B4GALNT2: variants seen among roughly 807,000 people sequenced by gnomAD.
B4GALNT2 encodes N-acetylneuraminylgalactosylglucosyl-glucoside beta-1,4-N- acetylgalactosaminyltransferase 2.
In B4GALNT2, 42 loss-of-function variants were observed where a neutral mutation model predicts 51.1. That is an observed-to-expected ratio of 0.82 (90% confidence interval 0.64 to 1.06). The LOEUF is 1.06. B4GALNT2 is among the 50% of genes least tolerant of loss of function. B4GALNT2 has a pLI of 0.00. For missense variants in B4GALNT2, 602 were observed against 633.6 expected (o/e 0.95, Z 0.54); for synonymous variants, 253 against 251.7 (o/e 1.01, Z -0.05).
intron 3 of B4GALNT2, among the ~76,000 whole-genome samples, chr17:49,145,547 C>T (rs1462187509): frequency 6.6e-6 from 1 of 152,218 alleles, no homozygotes; most frequent in East Asian, 1.9e-4. Flanking sequence ...TCTTCTTTTA[C>T]TACCCATTCT....
At chr17:49,122,668 C>T in the B4GALNT2 span, among the ~76,000 whole-genome samples, 2 of 152,110 alleles carry the variant, frequency 1.3e-5, no homozygotes, top group African/African-American at 4.8e-5. Flanking sequence ...TTACTAGGCC[C>T]AACTGGTTGA....
chr17:49,145,429 G>C (rs2042685386), intron 3 of B4GALNT2, among the ~76,000 whole-genome samples: 1 of 152,212 alleles, frequency 6.6e-6, no homozygotes, highest in African/African-American at 2.4e-5. Context: ...CTTAGTACAA[G>C]TGTGTATATG....
chr17:49,157,860 G>A (rs1314397255), intron 5 of B4GALNT2, among the ~76,000 whole-genome samples: 2 of 152,176 alleles, frequency 1.3e-5, no homozygotes, highest in South Asian at 2.1e-4. Context: ...CAAGCTTCAC[G>A]AAGGAATTTA....
In B4GALNT2 at chr17:49,170,040, T is replaced by C; in HGVS notation, c.*312T>C. 1 of 245,974 alleles carries C rather than the reference T, an allele frequency of 4.1e-6. No homozygotes were observed. The highest frequency in any genetic ancestry group is 7.7e-5 in the East Asian group (1 of 12,946). The allele number at this position is 245,974 out of a possible 1,614,324, so 15.2% of individuals were successfully genotyped here. ...TGATATCACACAAAGATGACATTGG[T>C]TGGTGTCCTCAGTCAAAAGAACAGC... On this transcript the variant is annotated 3_prime_UTR_variant, in exon 11 of 11. Coordinates refer to ENST00000393354, the MANE Select transcript of B4GALNT2 (RefSeq NM_001159387.2).
At position 49,158,440 on chromosome 17, in the gene B4GALNT2, C is replaced by T. The variant is rs1355950794; in HGVS notation, c.499-597C>T. Among the ~76,000 whole-genome samples, 8 of 152,030 alleles carry T rather than the reference C, an allele frequency of 5.3e-5. No individual in the cohort carries two copies. In the East Asian group the frequency reaches 1.3e-3, roughly 26 times the overall value. ...GTCTAGGATTGGAGTTTGAGACCAGCCTGGCAAACACGGCGAAAGCCCGTC... is the reference window on the plus strand; with the variant it reads ...GTCTAGGATTGGAGTTTGAGACCAGTCTGGCAAACACGGCGAAAGCCCGTC... On this transcript the variant is annotated intron_variant, in intron 5 of 10. Transcript: ENST00000393354.
At chr17:49,136,329 A>T (rs959445388) in intron 1 of B4GALNT2, among the ~76,000 whole-genome samples, 7 of 151,764 alleles carry the variant, frequency 4.6e-5, no homozygotes, top group Admixed American at 3.3e-4. Flanking sequence ...GAAAAAAGAG[A>T]CTATAGAAAC....
chr17:49,135,653 A>G (rs1039640721), intron 1 of B4GALNT2, among the ~76,000 whole-genome samples: 1 of 152,124 alleles, frequency 6.6e-6, no homozygotes, highest in Non-Finnish European at 1.5e-5. Flanking sequence ...CTGTTCTGTT[A>G]GCCTCTGTGG....
chr17:49,133,364 T>C (rs921578066), intron 1 of B4GALNT2: 1 of 882,804 alleles, frequency 1.1e-6, no homozygotes, highest in Non-Finnish European at 1.6e-6. Context: ...TGAGCTGCGG[T>C]TGTGTGGCCC....
chr17:49,157,326 A>ATT (rs34444544), intron 5 of B4GALNT2, among the ~76,000 whole-genome samples: 2 of 146,900 alleles, frequency 1.4e-5, no homozygotes, highest in Admixed American at 1.4e-4. Context: ...AACCTGGTTA[A>ATT]TTTTTTTTTT....
chr17:49,130,296 C>T (rs72835405), upstream of B4GALNT2, among the ~76,000 whole-genome samples: 29,350 of 152,198 alleles, frequency 0.19, 3,175 homozygotes, highest in Middle Eastern at 0.28. Context: ...CACTTTATTT[C>T]GAATGCGAAT....
intron 1 of B4GALNT2, chr17:49,133,035 G>A: frequency 6.7e-7 from 1 of 1,493,132 alleles, no homozygotes; most frequent in Non-Finnish European, 8.9e-7. Flanking sequence ...AATGGGGAGC[G>A]CTGGCTTTTC....
chr17:49,147,966 TTATATATA>T (rs140831657), intron 3 of B4GALNT2, among the ~76,000 whole-genome samples: 1 of 147,640 alleles, frequency 6.8e-6, no homozygotes, highest in Middle Eastern at 3.3e-3. Flanking sequence ...TTTTATTCAA[TTATATATA>T]TATATATATA....
chr17:49,168,291 T>C (rs558276411), intron 9 of B4GALNT2, among the ~76,000 whole-genome samples: 1 of 152,328 alleles, frequency 6.6e-6, no homozygotes, highest in East Asian at 1.9e-4. Context: ...AACAGCTCCC[T>C]GCAAGAAATC....
At position 49,141,971 on chromosome 17, in the gene B4GALNT2, G is replaced by A. The variant is rs150222532; in HGVS notation, c.216-64G>A. On this transcript the variant is annotated intron_variant, in intron 2 of 10. Transcript: ENST00000393354. ...AAACTACACACTGGATTAGGACTCC[G>A]GTTTCCTCTCACCCACCAGCCTACC... is the stretch of plus-strand genomic sequence containing the variant. The A allele has an allele frequency of 2.3e-4, 359 of 1,590,040 alleles. No individual in the cohort carries two copies. The African/African-American group carries it at 3.4e-3, about 15-fold the overall frequency.
chr17:49,160,670 G>A (rs770534725), intron 7 of B4GALNT2, 29 bp downstream of exon 7: 1 of 1,579,936 alleles, frequency 6.3e-7, no homozygotes, highest in Non-Finnish European at 8.7e-7. Context: ...GGGCTCCGTG[G>A]TGGCAACCCT....
chr17:49,134,896 C>CTA (rs1352164273), intron 1 of B4GALNT2, among the ~76,000 whole-genome samples: 3 of 151,972 alleles, frequency 2.0e-5, no homozygotes, highest in African/African-American at 7.3e-5. Context: ...CAGCCTGATA[C>CTA]TATATATTAT....
At chr17:49,136,798 C>T (rs945998722) in intron 1 of B4GALNT2, among the ~76,000 whole-genome samples, 1 of 152,040 alleles carries the variant, frequency 6.6e-6, no homozygotes, top group Non-Finnish European at 1.5e-5. Flanking sequence ...CTGCCTGTCT[C>T]GGCCTCCCAA....
At chr17:49,168,981 G>A (rs1390385376) in intron 10 of B4GALNT2, 81 bp downstream of exon 10, 18 of 1,416,274 alleles carry the variant, frequency 1.3e-5, no homozygotes, top group Middle Eastern at 2.5e-4. Context: ...GGCTGTACCC[G>A]GCTGGCTGAT....
chr17:49,160,574 C>T lies in B4GALNT2; in HGVS notation c.699C>T (p.Ser233=), dbSNP rs1421977329. Residue 233 remains serine (S), a synonymous_variant, in exon 7 of 11, where the codon TCC becomes TCT. Transcript: ENST00000393354. ...CTCCAGTGAGTCTGGAGTCCAGGTC[C>T]TCAGTGGCCAAGTTTCCAGTGACCA... ...KVDIVSLESR[S]SVAKFPVTIR... is the part of the protein sequence containing the mutation. 4.3e-6 allele frequency: 7 copies of T among 1,614,086 alleles called. No homozygotes were observed. The highest frequency in any genetic ancestry group is 1.7e-5 in the Admixed American group (1 of 60,016).
Sources: gnomAD v4.1 joint callset for allele counts (sites outside exome capture counted in the v4.1 genomes callset) on GRCh38, gnomAD v4.1.1 for gene constraint, MANE v1.5 for transcripts, NCBI Gene and HGNC (gene_info 2026-07-23, HGNC 2026-07-21) for gene names.